LRBA: variants seen among roughly 807,000 people sequenced by gnomAD.
LRBA encodes LPS responsive beige-like anchor protein.
In LRBA, 176 loss-of-function variants were observed where a neutral mutation model predicts 330.0. That is an observed-to-expected ratio of 0.53 (90% confidence interval 0.47 to 0.60). The LOEUF is 0.60. LRBA is among the 20% of genes least tolerant of loss of function. LRBA has a pLI of 0.00. For missense variants in LRBA, 3,259 were observed against 3,444.8 expected (o/e 0.95, Z 1.35); for synonymous variants, 1,230 against 1,193.0 (o/e 1.03, Z -0.64).
At chr4:150,774,848 G>A (rs1044864049) in intron 34 of LRBA, among the ~76,000 whole-genome samples, 8 of 152,154 alleles carry the variant, frequency 5.3e-5, no homozygotes, top group East Asian at 3.8e-4. Context: ...CTGCTTTTAT[G>A]ATTAAAGTTA....
chr4:150,586,204 G>A (rs530151041), intron 40 of LRBA, among the ~76,000 whole-genome samples: 2 of 152,196 alleles, frequency 1.3e-5, no homozygotes, highest in South Asian at 4.2e-4. Context: ...ATGATTTAAA[G>A]GAATAGTGTT....
chr4:150,682,438 T>C (rs1297767664), intron 37 of LRBA, among the ~76,000 whole-genome samples: 1 of 152,190 alleles, frequency 6.6e-6, no homozygotes, highest in East Asian at 1.9e-4. Context: ...GTCCTTTTGA[T>C]CTCAAGACCT....
intron 44 of LRBA, among the ~76,000 whole-genome samples, chr4:150,466,225 T>C (rs1004297132): frequency 3.9e-5 from 6 of 152,178 alleles, no homozygotes; most frequent in Non-Finnish European, 8.8e-5. Context: ...GTGAAGATCC[T>C]ATCCTGTGGA....
chr4:150,690,831 T>C (rs1050289770), intron 36 of LRBA, among the ~76,000 whole-genome samples: 2 of 152,116 alleles, frequency 1.3e-5, no homozygotes, highest in East Asian at 3.8e-4. Flanking sequence ...ATAGGCAATG[T>C]TGTTAGACTG....
intron 35 of LRBA, among the ~76,000 whole-genome samples, chr4:150,743,017 G>C (rs1483496926): frequency 6.6e-6 from 1 of 152,174 alleles, no homozygotes; most frequent in African/African-American, 2.4e-5. Context: ...GCCCAGGCTA[G>C]AGTACAGTGA....
chr4:150,414,948 A>G (rs1319238211), intron 47 of LRBA, among the ~76,000 whole-genome samples: 1 of 152,246 alleles, frequency 6.6e-6, no homozygotes, highest in Admixed American at 6.5e-5. Flanking sequence ...GATACTAAAG[A>G]GTTGTTTGTA....
At chr4:150,957,938 C>T (rs1313235492) in intron 2 of LRBA, among the ~76,000 whole-genome samples, 2 of 149,414 alleles carry the variant, frequency 1.3e-5, no homozygotes, top group Admixed American at 1.3e-4. Context: ...GCCCCTGTGG[C>T]TTTGCAGGGT....
intron 50 of LRBA, among the ~76,000 whole-genome samples, chr4:150,318,811 C>T (rs1732079231): frequency 6.6e-6 from 1 of 152,026 alleles, no homozygotes; most frequent in South Asian, 2.1e-4. Flanking sequence ...TGGTTATAGA[C>T]ACAATGAAAG....
intron 37 of LRBA, among the ~76,000 whole-genome samples, chr4:150,625,160 A>G (rs1405628291): frequency 6.6e-6 from 1 of 152,158 alleles, no homozygotes; most frequent in Non-Finnish European, 1.5e-5. Flanking sequence ...AGTGGGTGAG[A>G]AGTGCTATGT....
chr4:150,265,502 G>C lies in LRBA; in HGVS notation c.*220C>G. The C allele has an allele frequency of 4.8e-6, 2 of 414,360 alleles. No individual in the cohort carries two copies. Among genetic ancestry groups the C allele is most frequent in the South Asian group, 3.4e-5 (1 of 29,580 alleles). 25.7% of individuals were successfully genotyped at this position (414,360 alleles called of 1,614,324 possible). A position where few individuals can be genotyped will look rare whatever the true frequency, so the allele number is the denominator to read the frequency against. ...ACTTCTCATTATGACTAAAAATATA[G>C]ATTTTTTAAAACTACAGAACCCAGC... is the stretch of plus-strand genomic sequence containing the variant. On this transcript the variant is annotated 3_prime_UTR_variant, in exon 57 of 57. Coordinates refer to ENST00000651943, the MANE Select transcript of LRBA (RefSeq NM_001364905.1).
At chr4:150,285,462 C>T (rs1391792533) in intron 54 of LRBA, among the ~76,000 whole-genome samples, 2 of 152,226 alleles carry the variant, frequency 1.3e-5, no homozygotes, top group African/African-American at 2.4e-5. Flanking sequence ...GCCACTGTGG[C>T]CCCTGCCTCA....
chr4:150,395,637 C>T (rs575614189), intron 47 of LRBA, among the ~76,000 whole-genome samples: 1 of 152,234 alleles, frequency 6.6e-6, no homozygotes, highest in South Asian at 2.1e-4. Flanking sequence ...AGAGAAAGTA[C>T]CAACTCCTCA....
chr4:150,622,756 G>A (rs1271473305), intron 37 of LRBA, among the ~76,000 whole-genome samples: 1 of 141,858 alleles, frequency 7.0e-6, no homozygotes, highest in African/African-American at 2.8e-5. Context: ...GGAGTGCAGT[G>A]GCACTATCTC....
At chr4:150,757,764 C>T (rs1287265363) in intron 35 of LRBA, among the ~76,000 whole-genome samples, 1 of 152,104 alleles carries the variant, frequency 6.6e-6, no homozygotes, top group Non-Finnish European at 1.5e-5. Context: ...ATATTCTACA[C>T]TGTAAATAAA....
chr4:150,587,982 C>A, intron 40 of LRBA, 66 bp downstream of exon 40: 1 of 1,532,326 alleles, frequency 6.5e-7, no homozygotes, highest in Non-Finnish European at 8.8e-7. Context: ...TTTACCAATC[C>A]CAATCCTATC....
At chr4:150,511,282 T>C (rs957511659) in intron 40 of LRBA, among the ~76,000 whole-genome samples, 1 of 152,196 alleles carries the variant, frequency 6.6e-6, no homozygotes, top group Non-Finnish European at 1.5e-5. Context: ...AACAAAAACT[T>C]AGTTATGCTA....
At chr4:150,472,385 T>C (rs999845002) in intron 42 of LRBA, among the ~76,000 whole-genome samples, 28 of 152,158 alleles carry the variant, frequency 1.8e-4, no homozygotes, top group Non-Finnish European at 3.5e-4. Context: ...CTCAGAGAAA[T>C]AGGCTGTCAC....
chr4:150,986,248 G>A (rs989388597), intron 2 of LRBA, among the ~76,000 whole-genome samples: 10 of 152,076 alleles, frequency 6.6e-5, no homozygotes, highest in African/African-American at 1.9e-4. Context: ...GTCAGAGGTG[G>A]GTGGATGGTT....
chr4:150,569,500 T>C (rs1471608591), intron 40 of LRBA, among the ~76,000 whole-genome samples: 3 of 152,158 alleles, frequency 2.0e-5, no homozygotes, highest in Non-Finnish European at 4.4e-5. Context: ...CACAACTGAT[T>C]GGACACAGTC....
Sources: allele counts gnomAD v4.1 joint callset (sites outside exome capture counted in the v4.1 genomes callset), GRCh38; gene constraint gnomAD v4.1.1; transcripts MANE v1.5; gene names NCBI Gene and HGNC (gene_info 2026-07-23, HGNC 2026-07-21).